Variants in ENOX1 observed in about 807,000 individuals in gnomAD.
ENOX1 encodes ecto-NOX disulfide-thiol exchanger 1, also known as candidate growth-related and time keeping constitutive hydroquinone (NADH) oxidase.
Under a neutral mutation model 82.5 loss-of-function variants are expected in ENOX1, and 42 were observed. The observed-to-expected ratio is 0.51, with a 90% CI of 0.40 to 0.66. The LOEUF (loss-of-function observed/expected upper bound fraction) is 0.66. ENOX1 is among the 30% of genes least tolerant of loss of function. The pLI, the probability that ENOX1 is intolerant of heterozygous loss-of-function variation, is 0.00. For synonymous variants in ENOX1, 271 were observed against 282.2 expected (o/e 0.96, Z 0.40); for missense variants, 608 against 811.6 (o/e 0.75, Z 3.05).
intron 5 of ENOX1, among the ~76,000 whole-genome samples, chr13:43,391,447 T>G (rs937115853): frequency 3.3e-5 from 5 of 152,056 alleles, no homozygotes; most frequent in Non-Finnish European, 7.3e-5. Flanking sequence ...GACCCATATA[T>G]CCCTGTGTCT....
intron 2 of ENOX1, among the ~76,000 whole-genome samples, chr13:43,513,982 G>T (rs866535245): frequency 6.6e-6 from 1 of 152,056 alleles, no homozygotes; most frequent in African/African-American, 2.4e-5. Flanking sequence ...GTTTGTTTAT[G>T]TTCAGGTACA....
chr13:43,426,953 C>T (rs1330007738), intron 3 of ENOX1, among the ~76,000 whole-genome samples: 1 of 152,166 alleles, frequency 6.6e-6, no homozygotes, highest in African/African-American at 2.4e-5. Context: ...GGGGTCACCA[C>T]CTTCATTCAA....
chr13:43,277,591 C>T (rs929414969), intron 12 of ENOX1, among the ~76,000 whole-genome samples: 5 of 152,104 alleles, frequency 3.3e-5, no homozygotes, highest in Admixed American at 2.6e-4. Context: ...CCCTGTGGAC[C>T]GAGTAAGGCA....
At chr13:43,272,632 T>C (rs1378095610) in intron 12 of ENOX1, among the ~76,000 whole-genome samples, 1 of 152,202 alleles carries the variant, frequency 6.6e-6, no homozygotes, top group African/African-American at 2.4e-5. Flanking sequence ...ATTTTTAAAA[T>C]AGTCAAGAGC....
intron 2 of ENOX1, among the ~76,000 whole-genome samples, chr13:43,527,769 T>C (rs2078047338): frequency 6.6e-6 from 1 of 152,150 alleles, no homozygotes; most frequent in Non-Finnish European, 1.5e-5. Flanking sequence ...GAATTATTAT[T>C]TGTATGATTA....
intron 1 of ENOX1, among the ~76,000 whole-genome samples, chr13:43,708,517 GCCTTATGGCC>G (rs1305130505): frequency 6.6e-6 from 1 of 152,116 alleles, no homozygotes; most frequent in Non-Finnish European, 1.5e-5. Context: ...CTCTTGCATT[GCCTTATGGCC>G]CCTCAGTCAA....
intron 1 of ENOX1, among the ~76,000 whole-genome samples, chr13:43,741,148 G>C (rs910404592): frequency 1.3e-5 from 2 of 149,242 alleles, no homozygotes; most frequent in African/African-American, 2.5e-5. Flanking sequence ...GCAATGGCGT[G>C]ATCTCAGCTC....
intron 3 of ENOX1, among the ~76,000 whole-genome samples, chr13:43,438,204 G>A (rs1233365301): frequency 6.6e-6 from 1 of 152,172 alleles, no homozygotes. Flanking sequence ...AATGGGGAGT[G>A]ACAGGGTCAA....
chr13:43,406,208 G>T (rs889416040), intron 5 of ENOX1, among the ~76,000 whole-genome samples: 1 of 152,170 alleles, frequency 6.6e-6, no homozygotes, highest in Non-Finnish European at 1.5e-5. Context: ...GAAAATAAGT[G>T]GAAACACCAG....
chr13:43,669,717 T>C (rs996954537), intron 1 of ENOX1, among the ~76,000 whole-genome samples: 2 of 152,180 alleles, frequency 1.3e-5, no homozygotes, highest in Admixed American at 1.3e-4. Context: ...AGCATAGAGC[T>C]TAGAAATGAT....
intron 2 of ENOX1, among the ~76,000 whole-genome samples, chr13:43,595,173 T>G (rs995003545): frequency 6.7e-6 from 1 of 150,358 alleles, no homozygotes; most frequent in Non-Finnish European, 1.5e-5. Flanking sequence ...TACCAGATTT[T>G]AAGAGGCTGT....
At chr13:43,710,698 C>T (rs988603397) in intron 1 of ENOX1, among the ~76,000 whole-genome samples, 3 of 151,944 alleles carry the variant, frequency 2.0e-5, no homozygotes, top group Non-Finnish European at 4.4e-5. Flanking sequence ...AAAAAGTAAG[C>T]TGAACCAATA....
At chr13:43,240,080 T>A (rs546260569) in intron 14 of ENOX1, among the ~76,000 whole-genome samples, 62 of 152,292 alleles carry the variant, frequency 4.1e-4, no homozygotes, top group Non-Finnish European at 7.9e-4. Context: ...AAGAGCTCCA[T>A]CATCATGATT....
chr13:43,234,826 A>G (rs1424994458), intron 15 of ENOX1, among the ~76,000 whole-genome samples: 2 of 152,250 alleles, frequency 1.3e-5, no homozygotes, highest in African/African-American at 4.8e-5. Context: ...ATGTATGTGT[A>G]TACATATATA....
intron 2 of ENOX1, among the ~76,000 whole-genome samples, chr13:43,504,170 A>G (rs1406901455): frequency 2.0e-5 from 3 of 151,432 alleles, no homozygotes; most frequent in African/African-American, 4.8e-5. Context: ...AAATAAAAAG[A>G]TAACAAATGT....
At chr13:43,685,913 C>CA (rs1555360182) in intron 1 of ENOX1, among the ~76,000 whole-genome samples, 1 of 147,654 alleles carries the variant, frequency 6.8e-6, no homozygotes, top group South Asian at 2.2e-4. Flanking sequence ...CACACACACA[C>CA]TACATGGTTG....
chr13:43,565,876 C>T (rs966923428), intron 2 of ENOX1, among the ~76,000 whole-genome samples: 2 of 152,080 alleles, frequency 1.3e-5, no homozygotes, highest in Non-Finnish European at 2.9e-5. Context: ...AGTAAACATC[C>T]CTTAGGATCA....
chr13:43,371,672 A>T lies in ENOX1; in HGVS notation c.209-10220T>A, dbSNP rs182468538. On this transcript the variant is annotated intron_variant, in intron 5 of 16. Transcript: ENST00000690772. ...ATAAATTTTAAAAAGAACAAAGAAA[A>T]ACATTCAATATTTAGTTTCAAAGAA... 1.7e-4 allele frequency among the ~76,000 whole-genome samples: 26 copies of T among 152,350 alleles called. No homozygotes were observed. In the East Asian group the frequency reaches 3.9e-3, roughly 23 times the overall value.
intron 12 of ENOX1, among the ~76,000 whole-genome samples, chr13:43,275,376 T>C (rs2044949751): frequency 6.6e-6 from 1 of 152,196 alleles, no homozygotes; most frequent in Non-Finnish European, 1.5e-5. Context: ...AAATACCCTA[T>C]ATGAAATACA....
Sources: gnomAD v4.1 joint callset for allele counts (sites outside exome capture counted in the v4.1 genomes callset) on GRCh38, gnomAD v4.1.1 for gene constraint, MANE v1.5 for transcripts, NCBI Gene and HGNC (gene_info 2026-07-23, HGNC 2026-07-21) for gene names.